Variants in DAB2IP observed in about 807,000 individuals in gnomAD.
DAB2IP encodes disabled homolog 2-interacting protein.
Under a neutral mutation model 107.2 loss-of-function variants are expected in DAB2IP, and 28 were observed. That is an observed-to-expected ratio of 0.26 (90% CI 0.19 to 0.36). DAB2IP has a LOEUF of 0.36. Among genes scored for constraint, DAB2IP ranks in the 10% least tolerant of loss-of-function variants. The pLI, the probability that DAB2IP is intolerant of heterozygous loss-of-function variation, is 1.00. For missense variants in DAB2IP, 1,400 were observed against 1,644.7 expected, an observed-to-expected ratio of 0.85 and a Z score of 2.57; for synonymous variants, 755 against 706.4, an observed-to-expected ratio of 1.07 and a Z score of -1.09.
At chr9:121,578,563 AG>A (rs1468757710) in intron 1 of DAB2IP, among the ~76,000 whole-genome samples, 2 of 151,378 alleles carry the variant, frequency 1.3e-5, no homozygotes, top group Non-Finnish European at 2.9e-5. Flanking sequence ...TCCCCAGCTG[AG>A]GCCAACCTTG....
upstream of DAB2IP, among the ~76,000 whole-genome samples, chr9:121,646,829 T>C (rs138325570): frequency 5.7e-3 from 872 of 152,322 alleles, 5 homozygotes; most frequent in African/African-American, 0.018. Context: ...CTCAACCTTA[T>C]GATCGTTGCT....
At chr9:121,744,293 A>G (rs1288571554) in intron 3 of DAB2IP, among the ~76,000 whole-genome samples, 2 of 152,168 alleles carry the variant, frequency 1.3e-5, no homozygotes, top group East Asian at 3.9e-4. Flanking sequence ...GAGACTGGGA[A>G]GACTGTGTCT....
chr9:121,771,471 G>A (rs924159341), intron 11 of DAB2IP, among the ~76,000 whole-genome samples: 4 of 152,164 alleles, frequency 2.6e-5, no homozygotes, highest in Admixed American at 2.6e-4. Flanking sequence ...AGGGGAGGGT[G>A]CTGAGATCAA....
intron 3 of DAB2IP, among the ~76,000 whole-genome samples, chr9:121,720,223 G>A (rs1045005812): frequency 2.0e-5 from 3 of 152,180 alleles, no homozygotes; most frequent in South Asian, 2.1e-4. Flanking sequence ...AGTTCTCAGG[G>A]TGTGGCAGTT....
At chr9:121,724,287 C>T (rs1302617806) in intron 3 of DAB2IP, among the ~76,000 whole-genome samples, 3 of 151,876 alleles carry the variant, frequency 2.0e-5, no homozygotes, top group African/African-American at 7.2e-5. Flanking sequence ...CTTCCCCCAC[C>T]CCTCCCCGTT....
At chr9:121,642,038 T>TC (rs1301780011) in intron 1 of DAB2IP, among the ~76,000 whole-genome samples, 12 of 44,742 alleles carry the variant, frequency 2.7e-4, no homozygotes, top group African/African-American at 1.1e-3. Context: ...TCTCTTTCTT[T>TC]CTTTCTTTCT....
Position 121,776,398 on chromosome 9 carries a change from C to G in DAB2IP, c.3314+7C>G, listed in dbSNP as rs1835201378. The G allele has an allele frequency of 6.5e-7, 1 of 1,526,918 alleles. No homozygotes were observed. Among genetic ancestry groups the G allele is most frequent in the Non-Finnish European group, 8.8e-7 (1 of 1,135,480 alleles). 94.6% of individuals were successfully genotyped at this position (1,526,918 alleles called of 1,614,324 possible). On this transcript the variant is annotated splice_region_variant and intron_variant, in intron 14 of 15. Transcript: ENST00000408936. The surrounding 1 kb of genome is among the most constrained non-coding windows in gnomAD (Gnocchi z 5.4). ...TGAAGGGCATCATCAGCAGGTGGGGCCCACACCTGCCTGGCCTGGCCACAG... is the reference window on the plus strand; with the variant it reads ...TGAAGGGCATCATCAGCAGGTGGGGGCCACACCTGCCTGGCCTGGCCACAG...
intron 3 of DAB2IP, among the ~76,000 whole-genome samples, chr9:121,744,486 G>C (rs1015996351): frequency 6.6e-6 from 1 of 152,210 alleles, no homozygotes; most frequent in Admixed American, 6.5e-5. Context: ...TCATTGCCAC[G>C]GCTGGGGGCG....
rs992447252 is a variant in DAB2IP at position 121,699,987 on chromosome 9, T to C, written c.362+529T>C. 6.6e-6 allele frequency among the ~76,000 whole-genome samples: 1 copy of C among 152,122 alleles called. No individual in the cohort carries two copies. Among genetic ancestry groups the C allele is most frequent in the Non-Finnish European group, 1.5e-5 (1 of 67,996 alleles). On this transcript the variant is annotated intron_variant, in intron 3 of 15. Coordinates refer to ENST00000408936, the Ensembl canonical transcript of DAB2IP. This position sits in a 1 kb window ranked among gnomAD's most constrained non-coding sequence, Gnocchi z 6.2. The stretch of plus-strand genomic sequence containing the variant: ...ACTTAGGGGGCACATCTGCTCTAAG[T>C]AGGGCGCGTGCTCCACTGGGGGCTG...
intron 3 of DAB2IP, among the ~76,000 whole-genome samples, chr9:121,711,631 T>C (rs2118780137): frequency 6.6e-6 from 1 of 152,360 alleles, no homozygotes; most frequent in African/African-American, 2.4e-5. Context: ...AAGTGTTCCC[T>C]GCCCTTAGTA....
At chr9:121,672,670 G>A (rs996788878) in intron 1 of DAB2IP, among the ~76,000 whole-genome samples, 22 of 152,158 alleles carry the variant, frequency 1.4e-4, no homozygotes, top group African/African-American at 5.3e-4. Context: ...GTGACCGAGA[G>A]GTCACATAGA....
intron 3 of DAB2IP, among the ~76,000 whole-genome samples, chr9:121,743,957 G>A (rs186208970): frequency 7.9e-5 from 12 of 152,332 alleles, no homozygotes; most frequent in Non-Finnish European, 1.6e-4. Flanking sequence ...ACACCAAGAA[G>A]AGCACTGTTG....
chr9:121,601,936 T>C (rs964663306), intron 1 of DAB2IP, among the ~76,000 whole-genome samples: 1 of 152,018 alleles, frequency 6.6e-6, no homozygotes, highest in African/African-American at 2.4e-5. Context: ...GGGACTGGTG[T>C]GTGCCAGCAA....
chr9:121,768,768 C>A, intron 10 of DAB2IP, 135 bp downstream of exon 10: 1 of 1,090,094 alleles, frequency 9.2e-7, no homozygotes, highest in Non-Finnish European at 1.3e-6. Context: ...TCAGAACACA[C>A]TGGGGATCTG....
At chr9:121,673,077 T>C (rs981390748) in intron 1 of DAB2IP, among the ~76,000 whole-genome samples, 11 of 152,204 alleles carry the variant, frequency 7.2e-5, no homozygotes, top group African/African-American at 2.7e-4. Context: ...GTGTTTTTAC[T>C]TGGTTCCAAG....
Position 121,599,127 on chromosome 9 carries a change from G to C in DAB2IP, c.40+31899G>C, listed in dbSNP as rs1051203855. 1.3e-5 allele frequency among the ~76,000 whole-genome samples: 2 copies of C among 152,170 alleles called. No homozygotes were observed. Among genetic ancestry groups the C allele is most frequent in the African/African-American group, 4.8e-5 (2 of 41,446 alleles). The stretch of plus-strand genomic sequence containing the variant: ...AAAAGTTTAAGGGGTCAGCGGATGC[G>C]GGAAGATTCTAGCGGGAAGGGGAGC... On this transcript the variant is annotated intron_variant, in intron 1 of 16. Coordinates refer to the DAB2IP transcript ENST00000259371. This position sits in a 1 kb window ranked among gnomAD's most constrained non-coding sequence, Gnocchi z 6.9.
At chr9:121,579,548 C>A (rs1830144186) in intron 1 of DAB2IP, among the ~76,000 whole-genome samples, 1 of 152,142 alleles carries the variant, frequency 6.6e-6, no homozygotes, top group Non-Finnish European at 1.5e-5. Flanking sequence ...CCAGCCCCTA[C>A]CTGGACCTTC....
At chr9:121,752,014 A>G (rs1589641813) in intron 3 of DAB2IP, 1 of 985,470 alleles carries the variant, frequency 1.0e-6, no homozygotes, top group African/African-American at 1.7e-5. Context: ...GAGCGCTGTC[A>G]TGGGGCTAGT....
At chr9:121,783,379 C>T (rs1254370429) in exon 16 of DAB2IP, 12 of 1,534,504 alleles carry the variant, frequency 7.8e-6, no homozygotes, top group African/African-American at 1.4e-5. Context: ...TCCTGGGGCC[C>T]AGCACACCCA....
Sources: allele counts gnomAD v4.1 joint callset (sites outside exome capture counted in the v4.1 genomes callset), GRCh38; gene constraint gnomAD v4.1.1; non-coding constraint Gnocchi (gnomAD v3.1); transcripts MANE v1.5; gene names NCBI Gene and HGNC (gene_info 2026-07-23, HGNC 2026-07-21).